MCC: variants seen among roughly 807,000 people sequenced by gnomAD.
The protein encoded by MCC is MCC regulator of Wnt signaling pathway.
Under a neutral mutation model 116.2 loss-of-function variants are expected in MCC, and 90 were observed. The observed-to-expected ratio is 0.77, with a 90% CI of 0.65 to 0.92. The LOEUF (loss-of-function observed/expected upper bound fraction) is 0.92. Ranked by LOEUF, MCC falls within the 40% of genes least tolerant of loss-of-function variation. MCC has a pLI of 0.00. For synonymous variants in MCC, 578 were observed against 510.5 expected, an observed-to-expected ratio of 1.13 and a Z score of -1.78; for missense variants, 1,516 against 1,312.2, an observed-to-expected ratio of 1.16 and a Z score of -2.40.
chr5:113,246,148 G>C (rs1278973603), intron 3 of MCC, among the ~76,000 whole-genome samples: 1 of 152,188 alleles, frequency 6.6e-6, no homozygotes, highest in Admixed American at 6.5e-5. Context: ...GGAAGGACAA[G>C]AGCCTGTAGC....
chr5:113,217,049 G>A (rs890509163), intron 3 of MCC, among the ~76,000 whole-genome samples: 1 of 152,220 alleles, frequency 6.6e-6, no homozygotes, highest in Non-Finnish European at 1.5e-5. Context: ...AACATGGCTA[G>A]GGTCGTCTCA....
rs369287790 is a variant in MCC, at chr5:113,164,813, C to T, written c.628-13391G>A. ...CTCAAGACTGCAGACTTGGATGGTG[C>T]TCAGCACCAGATGGTTTATAGCAGT... On this transcript the variant is annotated intron_variant, in intron 3 of 18. Coordinates refer to ENST00000408903, the MANE Select transcript of MCC (RefSeq NM_001085377.2). Among the ~76,000 whole-genome samples the T allele has an allele frequency of 1.2e-4, 18 of 152,322 alleles. 2 individuals carry two copies. The highest frequency in any genetic ancestry group is 2.0e-4 in the Admixed American group (3 of 15,304).
Position 113,434,099 on chromosome 5 carries a change from G to C in MCC, c.171-48887C>G, listed in dbSNP as rs769662141. Reference sequence around the variant, plus strand: ...CGGGCTGCAGCATGTGGTAGATGAGGTCCTTGCACTCGCCTGTCAGGTGCT... The same window carrying C: ...CGGGCTGCAGCATGTGGTAGATGAGCTCCTTGCACTCGCCTGTCAGGTGCT... On this transcript the variant is annotated intron_variant, in intron 1 of 18. Coordinates refer to ENST00000408903, the MANE Select transcript of MCC (RefSeq NM_001085377.2). This position sits in a 1 kb window ranked among gnomAD's most constrained non-coding sequence, Gnocchi z 4.2. The C allele has an allele frequency of 1.9e-6, 3 of 1,614,224 alleles. No homozygotes were observed. The East Asian group carries it at 6.7e-5, about 36-fold the overall frequency.
intron 1 of MCC, among the ~76,000 whole-genome samples, chr5:113,410,003 T>C (rs1207103402): frequency 1.3e-5 from 2 of 152,246 alleles, no homozygotes; most frequent in African/African-American, 4.8e-5. Flanking sequence ...TATATATTGA[T>C]AGATACAGAA....
chr5:113,488,311 C>G lies in MCC; in HGVS notation c.104G>C (p.Gly35Ala). 1 of 1,589,958 alleles carries G rather than the reference C, an allele frequency of 6.3e-7. No homozygotes were observed. The highest frequency in any genetic ancestry group is 8.5e-7 in the Non-Finnish European group (1 of 1,170,322). Reference protein sequence around the residue: ...SSSSSDTSSTGEEERMRRLFQ... With the variant: ...SSSSSDTSSTAEEERMRRLFQ... ...GAGGCGCCGCATCCTCTCCTCCTCGCCGGTGCTGGACGTGTCGCTGCTGCT... is the reference window on the plus strand; with the variant it reads ...GAGGCGCCGCATCCTCTCCTCCTCGGCGGTGCTGGACGTGTCGCTGCTGCT... The change falls in exon 1 of 19, where the codon GGC becomes GCC. Residue 35 changes from glycine (G) to alanine (A), a missense_variant. Transcript: ENST00000408903.
intron 2 of MCC, among the ~76,000 whole-genome samples, chr5:113,365,358 G>A (rs1768660295): frequency 6.6e-6 from 1 of 152,142 alleles, no homozygotes; most frequent in Admixed American, 6.5e-5. Flanking sequence ...CTAAACCGTA[G>A]CACAAGTGAC....
At chr5:113,464,521 T>G (rs1771841629) in intron 1 of MCC, among the ~76,000 whole-genome samples, 1 of 152,172 alleles carries the variant, frequency 6.6e-6, no homozygotes, top group Non-Finnish European at 1.5e-5. Context: ...CATTTAATAT[T>G]AAAATTAGCC....
intron 7 of MCC, among the ~76,000 whole-genome samples, chr5:113,103,901 C>G (rs1756576522): frequency 6.6e-6 from 1 of 152,294 alleles, no homozygotes; most frequent in African/African-American, 2.4e-5. Context: ...ATGAACCACT[C>G]TAAAATGACG....
At chr5:113,425,586 A>T (rs1266141445) in intron 1 of MCC, among the ~76,000 whole-genome samples, 2 of 152,206 alleles carry the variant, frequency 1.3e-5, no homozygotes, top group Non-Finnish European at 2.9e-5. Flanking sequence ...GCATATTTGG[A>T]GGGAGGCCTT....
chr5:113,124,326 A>G (rs7702177), intron 5 of MCC, among the ~76,000 whole-genome samples: 41,424 of 152,186 alleles, frequency 0.27, 6,263 homozygotes, highest in South Asian at 0.39. Flanking sequence ...TTGTGCACTG[A>G]TAGATACATT....
chr5:113,294,547 C>T, intron 3 of MCC: 1 of 1,419,518 alleles, frequency 7.0e-7, no homozygotes, highest in Non-Finnish European at 9.2e-7. Flanking sequence ...AGGATGCAGG[C>T]ACTCTTAAAA....
Position 113,024,122 on chromosome 5 carries a change from C to T in MCC, c.*3180G>A, listed in dbSNP as rs1191160522. On this transcript the variant is annotated 3_prime_UTR_variant, in exon 19 of 19. Transcript: ENST00000408903. ...TGGACTTCCTTTTGGAGTAGAATGT[C>T]AAGGCTCTGACTTAGAAGAGGTCCC... 1 of 152,080 alleles carries T rather than the reference C, an allele frequency of 6.6e-6. No homozygotes were observed. Among genetic ancestry groups the T allele is most frequent in the Non-Finnish European group, 1.5e-5 (1 of 68,046 alleles). 9.4% of individuals were successfully genotyped at this position (152,080 alleles called of 1,614,324 possible).
At chr5:113,309,986 T>G (rs1767098736) in intron 3 of MCC, among the ~76,000 whole-genome samples, 1 of 151,540 alleles carries the variant, frequency 6.6e-6, no homozygotes, top group Non-Finnish European at 1.5e-5. Context: ...ATTTTAGAAT[T>G]TCATATTCTA....
chr5:113,316,415 C>T (rs949835383), intron 3 of MCC, among the ~76,000 whole-genome samples: 4 of 152,056 alleles, frequency 2.6e-5, no homozygotes, highest in Non-Finnish European at 4.4e-5. Context: ...AAAAAGAGAA[C>T]GAAGTTTGCA....
intron 17 of MCC, among the ~76,000 whole-genome samples, chr5:113,032,180 G>A (rs1230295362): frequency 2.0e-5 from 3 of 152,184 alleles, no homozygotes; most frequent in African/African-American, 7.2e-5. Flanking sequence ...GTAGGCCGGG[G>A]CTGGCGGATC....
chr5:113,453,803 C>T (rs567269495), intron 1 of MCC, among the ~76,000 whole-genome samples: 2 of 152,290 alleles, frequency 1.3e-5, no homozygotes, highest in East Asian at 1.9e-4. Context: ...AAAATGTACT[C>T]ATAGTAACTT....
chr5:113,417,836 G>A (rs1770197961), intron 1 of MCC, among the ~76,000 whole-genome samples: 1 of 152,054 alleles, frequency 6.6e-6, no homozygotes, highest in Admixed American at 6.5e-5. Context: ...GGCTGAGGTA[G>A]GAGGATCACT....
At chr5:113,094,579 C>T (rs1343131703) in intron 8 of MCC, among the ~76,000 whole-genome samples, 1 of 152,018 alleles carries the variant, frequency 6.6e-6, no homozygotes, top group Non-Finnish European at 1.5e-5. Flanking sequence ...CACCACCACG[C>T]CTGGCTAATT....
intron 3 of MCC, among the ~76,000 whole-genome samples, chr5:113,160,573 A>T (rs979392407): frequency 1.3e-5 from 2 of 152,192 alleles, no homozygotes; most frequent in African/African-American, 4.8e-5. Context: ...GGTCTGTCTA[A>T]CCCCAGGGTC....
Sources: gnomAD v4.1 joint callset for allele counts (sites outside exome capture counted in the v4.1 genomes callset) on GRCh38, gnomAD v4.1.1 for gene constraint, Gnocchi (gnomAD v3.1) non-coding constraint, MANE v1.5 for transcripts, NCBI Gene and HGNC (gene_info 2026-07-23, HGNC 2026-07-21) for gene names.